Variants in KIAA0513 observed in about 807,000 individuals in gnomAD.
KIAA0513 encodes the protein KIAA0513, also known as uncharacterized protein KIAA0513.
Under a neutral mutation model 56.5 loss-of-function variants are expected in KIAA0513, and 39 were observed. The ratio of observed to expected loss-of-function variants is 0.69; its 90% confidence interval spans 0.53 to 0.90. The LOEUF (loss-of-function observed/expected upper bound fraction) is 0.90, where lower values mean the gene tolerates loss of function less well. KIAA0513 is among the 40% of genes least tolerant of loss of function. The pLI, the probability that KIAA0513 is intolerant of heterozygous loss-of-function variation, is 0.00. For synonymous variants in KIAA0513, 268 were observed against 215.6 expected (o/e 1.24, Z -2.13); for missense variants, 591 against 535.2 (o/e 1.10, Z -1.03).
At chr16:85,027,982 G>C (rs1357377228) in intron 1 of KIAA0513, 124 bp downstream of exon 1, 1 of 152,246 alleles carries the variant, frequency 6.6e-6, no homozygotes, top group Non-Finnish European at 1.5e-5. Flanking sequence ...CGTGGGGCGA[G>C]GGGCGCGGGG....
rs1468587353 is a variant in KIAA0513 at position 85,055,773 on chromosome 16, TG to T, written c.-172-11125del. 8.5e-5 allele frequency among the ~76,000 whole-genome samples: 13 copies of T among 152,344 alleles called. No individual in the cohort carries two copies. In the East Asian group the frequency reaches 2.3e-3, roughly 27 times the overall value. ...TCACCTCTCCCCCAGCCTGTTATCT[TG>T]GTTTTTTCGGAGATGAGAAATCGTG... is the stretch of plus-strand genomic sequence containing the variant. On this transcript the variant is annotated intron_variant, in intron 1 of 12. Transcript: ENST00000683363.
intron 1 of KIAA0513, among the ~76,000 whole-genome samples, chr16:85,065,083 C>G (rs956734889): frequency 6.6e-6 from 1 of 152,224 alleles, no homozygotes; most frequent in African/African-American, 2.4e-5. Context: ...GTAGTACAGA[C>G]AGCACTAGCT....
At position 85,077,604 on chromosome 16, in the gene KIAA0513, C is replaced by A. The variant is rs1469921145; in HGVS notation, c.754C>A (p.Leu252Met). 6.2e-7 allele frequency: 1 copy of A among 1,613,108 alleles called. No homozygotes were observed. The highest frequency in any genetic ancestry group is 8.5e-7 in the Non-Finnish European group (1 of 1,179,546). ...KGFFGGLETK[L>M]KGPLARRNEE... Reference sequence around the variant, plus strand: ...CTTCTTCGGGGGGCTGGAGACCAAGCTGAAGGGGCCCCTGGCCAGGAGGAA... The same window carrying A: ...CTTCTTCGGGGGGCTGGAGACCAAGATGAAGGGGCCCCTGGCCAGGAGGAA... Residue 252 changes from leucine (L) to methionine (M), a missense_variant, in exon 6 of 13, where the codon CTG becomes ATG. Coordinates refer to ENST00000683363, the MANE Select transcript of KIAA0513 (RefSeq NM_001388359.1).
At chr16:85,043,644 C>T (rs1468290046) in intron 1 of KIAA0513, among the ~76,000 whole-genome samples, 2 of 152,028 alleles carry the variant, frequency 1.3e-5, no homozygotes, top group African/African-American at 4.8e-5. Flanking sequence ...AACTCTTGAC[C>T]TCAAGTGATC....
chr16:85,057,492 C>G (rs1477258162), intron 1 of KIAA0513, among the ~76,000 whole-genome samples: 2 of 152,146 alleles, frequency 1.3e-5, no homozygotes, highest in East Asian at 3.9e-4. Context: ...CAGATGCAGC[C>G]CCTTTGGGTG....
At chr16:85,050,633 C>G (rs575777050) in intron 1 of KIAA0513, among the ~76,000 whole-genome samples, 2 of 152,162 alleles carry the variant, frequency 1.3e-5, no homozygotes, top group Admixed American at 1.3e-4. Context: ...TGATTTATAA[C>G]CATGGTGTTT....
intron 10 of KIAA0513, among the ~76,000 whole-genome samples, chr16:85,083,502 CTG>C (rs2073772785): frequency 6.6e-6 from 1 of 152,198 alleles, no homozygotes; most frequent in African/African-American, 2.4e-5. Flanking sequence ...CACTGACTCT[CTG>C]GGTGACTGTG....
In KIAA0513 at chr16:85,094,059, C is replaced by T. The variant is rs974928694; in HGVS notation, c.*5734C>T. 6.6e-6 allele frequency: 1 copy of T among 152,022 alleles called. No individual in the cohort carries two copies. Among genetic ancestry groups the T allele is most frequent in the African/African-American group, 2.4e-5 (1 of 41,356 alleles). 9.4% of individuals were successfully genotyped at this position (152,022 alleles called of 1,614,324 possible). On this transcript the variant is annotated 3_prime_UTR_variant, in exon 13 of 13. Transcript: ENST00000683363. ...GTTGCATTTTTGCAATCTTGTGTCCCGCTCGGTGATGTTCTACAAACTCTG... is the reference window on the plus strand; with the variant it reads ...GTTGCATTTTTGCAATCTTGTGTCCTGCTCGGTGATGTTCTACAAACTCTG...
chr16:85,075,251 TGTAAA>T (rs2073639375), intron 4 of KIAA0513, among the ~76,000 whole-genome samples: 1 of 152,008 alleles, frequency 6.6e-6, no homozygotes, highest in Non-Finnish European at 1.5e-5. Context: ...TCTTTTGACT[TGTAAA>T]GTAATAATTG....
rs1298378229 is a variant in KIAA0513 at position 85,089,500 on chromosome 16, G to C, written c.*1175G>C. The C allele has an allele frequency of 6.6e-6, 1 of 152,538 alleles. No individual in the cohort carries two copies. The highest frequency in any genetic ancestry group is 1.9e-4 in the East Asian group (1 of 5,188). The allele number at this position is 152,538 out of a possible 1,614,324, so 9.4% of individuals were successfully genotyped here. Reference sequence around the variant, plus strand: ...TACTCCAGGCCAGCCCATGGGCCCGGGGCCTGACCCCAACACCTGCATGCT... The same window carrying C: ...TACTCCAGGCCAGCCCATGGGCCCGCGGCCTGACCCCAACACCTGCATGCT... On this transcript the variant is annotated 3_prime_UTR_variant, in exon 13 of 13. Transcript: ENST00000683363. This position sits in a 1 kb window ranked among gnomAD's most constrained non-coding sequence, Gnocchi z 4.2.
At chr16:85,066,455 C>G (rs2073482573) in intron 1 of KIAA0513, among the ~76,000 whole-genome samples, 1 of 152,058 alleles carries the variant, frequency 6.6e-6, no homozygotes, top group South Asian at 2.1e-4. Context: ...AGAACAGAGC[C>G]CAGGAAGGAG....
chr16:85,068,156 C>T (rs1269223949), intron 2 of KIAA0513, among the ~76,000 whole-genome samples: 12 of 149,060 alleles, frequency 8.1e-5, no homozygotes, highest in Non-Finnish European at 1.2e-4. Context: ...ATTTTATCCA[C>T]GCATTCTTTT....
intron 12 of KIAA0513, 29 bp from the exon 13 acceptor site, chr16:85,088,247 C>T (rs771231630): frequency 1.9e-6 from 3 of 1,606,372 alleles, no homozygotes; most frequent in South Asian, 1.1e-5. Context: ...TGTCTTTCAT[C>T]TGAGAAATAA....
intron 4 of KIAA0513, among the ~76,000 whole-genome samples, chr16:85,074,620 T>A (rs939029809): frequency 6.6e-6 from 1 of 152,138 alleles, no homozygotes; most frequent in Non-Finnish European, 1.5e-5. Flanking sequence ...ATACCCCAAG[T>A]CCAAGATCCA....
At chr16:85,086,597 G>C (rs1247526249) in intron 10 of KIAA0513, 47 bp from the exon 11 acceptor site, 1 of 1,561,330 alleles carries the variant, frequency 6.4e-7, no homozygotes, top group South Asian at 1.1e-5. Flanking sequence ...GCTGGGGCAA[G>C]GACAGCACCA....
At chr16:85,053,799 C>G (rs36096748) in intron 1 of KIAA0513, among the ~76,000 whole-genome samples, 10,034 of 152,116 alleles carry the variant, frequency 0.066, 366 homozygotes, top group Middle Eastern at 0.099. Context: ...CAAGACCATT[C>G]TGGCCAACAT....
chr16:85,073,492 G>T (rs536733282), intron 4 of KIAA0513, among the ~76,000 whole-genome samples: 8 of 152,352 alleles, frequency 5.3e-5, no homozygotes, highest in Admixed American at 2.6e-4. Context: ...GGTGGAAAGG[G>T]CATGGCTGCC....
intron 1 of KIAA0513, among the ~76,000 whole-genome samples, chr16:85,038,208 G>A (rs959040825): frequency 6.6e-6 from 1 of 152,194 alleles, no homozygotes; most frequent in Admixed American, 6.5e-5. Context: ...CCCTTGAAGA[G>A]CATTGACTTT....
At chr16:85,057,008 A>G (rs1268319650) in intron 1 of KIAA0513, among the ~76,000 whole-genome samples, 1 of 152,160 alleles carries the variant, frequency 6.6e-6, no homozygotes. Flanking sequence ...CCCAGCCGAG[A>G]TACTTGTCTT....
Sources: allele counts gnomAD v4.1 joint callset (sites outside exome capture counted in the v4.1 genomes callset), GRCh38; gene constraint gnomAD v4.1.1; non-coding constraint Gnocchi (gnomAD v3.1); transcripts MANE v1.5; gene names NCBI Gene and HGNC (gene_info 2026-07-23, HGNC 2026-07-21).